RAB3B: variants seen among roughly 807,000 people sequenced by gnomAD.
RAB3B encodes RAB3B, member RAS oncogene family, also known as ras-related protein Rab-3B.
Under a neutral mutation model 20.5 loss-of-function variants are expected in RAB3B, and 11 were observed. That is an observed-to-expected ratio of 0.54 (90% CI 0.34 to 0.89). The LOEUF (loss-of-function observed/expected upper bound fraction) is 0.89. RAB3B is among the 40% of genes least tolerant of loss of function. The pLI is 0.02. For missense variants in RAB3B, 225 were observed against 280.9 expected (o/e 0.80, Z 1.42); for synonymous variants, 99 against 106.3 (o/e 0.93, Z 0.42).
chr1:51,965,192 C>A (rs560610796), intron 2 of RAB3B, among the ~76,000 whole-genome samples: 1 of 147,242 alleles, frequency 6.8e-6, no homozygotes. Context: ...GCACTTCCAA[C>A]CTGGGTGACA....
rs75192381 is a variant in RAB3B at position 51,961,386 on chromosome 1, G to A, written c.228+15504C>T. On this transcript the variant is annotated intron_variant, in intron 2 of 4. Coordinates refer to ENST00000371655, the MANE Select transcript of RAB3B (RefSeq NM_002867.4). ...TTTGGAGGTTCTGATTTTTAGCTGTGACGTTGACTCTCAACCACCTGTGAG... is the reference window on the plus strand; with the variant it reads ...TTTGGAGGTTCTGATTTTTAGCTGTAACGTTGACTCTCAACCACCTGTGAG... Among the ~76,000 whole-genome samples the A allele has an allele frequency of 2.4e-4, 37 of 152,274 alleles. No individual in the cohort carries two copies. The East Asian group carries it at 6.2e-3, about 25-fold the overall frequency.
rs113857417 is a variant in RAB3B at position 51,936,818 on chromosome 1, C to CTTT, written c.347+473_347+475dup. ...GCACACATTTTCTTTTCTTTTCTTT[C>CTTT]TTTTTTTTTTTTTAAGATAGAGTCT... On this transcript the variant is annotated intron_variant, in intron 3 of 4. Coordinates refer to ENST00000371655, the MANE Select transcript of RAB3B (RefSeq NM_002867.4). 6.9e-5 allele frequency among the ~76,000 whole-genome samples: 10 copies of CTTT among 144,808 alleles called. 1 individual carries two copies. Among genetic ancestry groups the CTTT allele is most frequent in the South Asian group, 4.4e-4 (2 of 4,532 alleles). 95.0% of individuals were successfully genotyped at this position (144,808 alleles called of 152,430 possible).
rs370173651 is a variant in RAB3B, at chr1:51,919,906, G to T, written c.*21C>A. 1.9e-6 allele frequency: 3 copies of T among 1,602,026 alleles called. No homozygotes were observed. The highest frequency in any genetic ancestry group is 1.1e-5 in the South Asian group (1 of 89,646). On this transcript the variant is annotated 3_prime_UTR_variant, in exon 5 of 5. Transcript: ENST00000371655. ...TGGGTGTGGGGCCACAATGAGGGGA[G>T]GTCAGGAAGGTGGGCCTTGCCTAGC...
chr1:51,945,618 T>C (rs901399354), intron 2 of RAB3B, among the ~76,000 whole-genome samples: 5 of 152,226 alleles, frequency 3.3e-5, no homozygotes, highest in African/African-American at 1.2e-4. Flanking sequence ...AAATACCACA[T>C]AGGCATCAGC....
At chr1:51,976,787 G>A in intron 2 of RAB3B, 103 bp downstream of exon 2, 1 of 981,026 alleles carries the variant, frequency 1.0e-6, no homozygotes, top group South Asian at 1.6e-5. Context: ...AATGCCTGAT[G>A]CTGTAAGGCC....
chr1:51,981,156 G>A (rs977469756), intron 1 of RAB3B, among the ~76,000 whole-genome samples: 1 of 152,026 alleles, frequency 6.6e-6, no homozygotes, highest in African/African-American at 2.4e-5. Context: ...TCAGCCTCCC[G>A]AGTAGCTGGG....
intron 2 of RAB3B, among the ~76,000 whole-genome samples, chr1:51,949,973 G>A (rs548610528): frequency 1.2e-3 from 183 of 152,302 alleles, no homozygotes; most frequent in African/African-American, 4.2e-3. Context: ...ATTGAGTGAC[G>A]AAACAGCTCT....
chr1:51,955,429 T>G (rs1353510928), intron 2 of RAB3B, among the ~76,000 whole-genome samples: 1 of 151,956 alleles, frequency 6.6e-6, no homozygotes, highest in Non-Finnish European at 1.5e-5. Flanking sequence ...TCTCCCTCTG[T>G]CTCCCAGGCT....
chr1:51,975,075 G>A (rs1453486263), intron 2 of RAB3B, among the ~76,000 whole-genome samples: 10 of 152,136 alleles, frequency 6.6e-5, no homozygotes, highest in South Asian at 2.1e-4. Flanking sequence ...TTAGCCAGGC[G>A]TGGTGGCACA....
intron 3 of RAB3B, 85 bp from the exon 4 acceptor site, chr1:51,933,527 G>T: frequency 7.6e-7 from 1 of 1,313,604 alleles, no homozygotes; most frequent in Non-Finnish European, 1.1e-6. Flanking sequence ...ACATGTTGAA[G>T]CCTAATCCCC....
chr1:51,980,392 C>T lies in RAB3B; in HGVS notation c.1-3275G>A, dbSNP rs537568742. On this transcript the variant is annotated intron_variant, in intron 1 of 4. Coordinates refer to ENST00000371655, the MANE Select transcript of RAB3B (RefSeq NM_002867.4). ...GCAGTAAACCATGATTGTGCCACTG[C>T]ACTCCAGCTTGGGCAACAGAGCAAG... is the stretch of plus-strand genomic sequence containing the variant. The T allele has an allele frequency of 2.4e-4, 95 of 397,726 alleles. No individual in the cohort carries two copies. In the East Asian group the frequency reaches 3.7e-3, roughly 16 times the overall value. The allele number at this position is 397,726 out of a possible 1,614,324, so 24.6% of individuals were successfully genotyped here.
At chr1:51,940,151 C>T (rs1463240391) in intron 2 of RAB3B, among the ~76,000 whole-genome samples, 2 of 152,174 alleles carry the variant, frequency 1.3e-5, no homozygotes, top group Non-Finnish European at 2.9e-5. Context: ...CTCCTGCACC[C>T]ATTACAACAT....
At chr1:51,976,795 G>T (rs1379217931) in intron 2 of RAB3B, 95 bp downstream of exon 2, 11 of 1,076,810 alleles carry the variant, frequency 1.0e-5, no homozygotes, top group African/African-American at 3.1e-5. Flanking sequence ...ATGCTGTAAG[G>T]CCCAGAAGTT....
intron 2 of RAB3B, among the ~76,000 whole-genome samples, chr1:51,969,496 G>A (rs553020908): frequency 3.3e-5 from 5 of 152,268 alleles, no homozygotes; most frequent in African/African-American, 9.6e-5. Context: ...TATAGCCAGC[G>A]GCCCACGTTG....
chr1:51,928,396 C>A (rs1684276327), intron 4 of RAB3B, among the ~76,000 whole-genome samples: 1 of 152,220 alleles, frequency 6.6e-6, no homozygotes, highest in Non-Finnish European at 1.5e-5. Context: ...CGTGAGCCAC[C>A]AAGCCCAGCC....
rs1684026625 is a variant in RAB3B at position 51,912,914 on chromosome 1, T to C, written c.*7013A>G. On this transcript the variant is annotated 3_prime_UTR_variant, in exon 5 of 5. Coordinates refer to ENST00000371655, the MANE Select transcript of RAB3B (RefSeq NM_002867.4). ...ATCAAGAGTTTCAATTTGGACATGTTAAGTTTGAGACATGAAAATGTCCAG... is the reference window on the plus strand; with the variant it reads ...ATCAAGAGTTTCAATTTGGACATGTCAAGTTTGAGACATGAAAATGTCCAG... 1 of 152,126 alleles carries C rather than the reference T, an allele frequency of 6.6e-6. No homozygotes were observed. The allele number at this position is 152,126 out of a possible 1,614,324, so 9.4% of individuals were successfully genotyped here.
chr1:51,986,137 T>C (rs1233575197), intron 1 of RAB3B, among the ~76,000 whole-genome samples: 2 of 139,214 alleles, frequency 1.4e-5, no homozygotes, highest in African/African-American at 5.3e-5. Context: ...TGAGATTCCA[T>C]TTCTACGAAT....
At chr1:51,930,602 C>T (rs1034283479) in intron 4 of RAB3B, among the ~76,000 whole-genome samples, 5 of 152,166 alleles carry the variant, frequency 3.3e-5, no homozygotes, top group African/African-American at 9.7e-5. Context: ...AAGGAAAGAA[C>T]ATATCTTGGA....
At chr1:51,928,778 A>G (rs12047469) in intron 4 of RAB3B, among the ~76,000 whole-genome samples, 1,756 of 152,250 alleles carry the variant, frequency 0.012, 60 homozygotes, top group East Asian at 0.094. Context: ...AATTTCATGA[A>G]TATTTCATGC....
Sources: gnomAD v4.1 joint callset for allele counts (sites outside exome capture counted in the v4.1 genomes callset) on GRCh38, gnomAD v4.1.1 for gene constraint, MANE v1.5 for transcripts, NCBI Gene and HGNC (gene_info 2026-07-23, HGNC 2026-07-21) for gene names.